The following SPDYE1 variants were observed in gnomAD, a reference collection of about 807,000 sequenced individuals.
The protein encoded by SPDYE1 is speedy protein E1.
SPDYE1 carries 29 observed loss-of-function variants against 45.9 expected under a neutral mutation model. The ratio of observed to expected loss-of-function variants is 0.63; its 90% CI spans 0.47 to 0.86. The LOEUF (loss-of-function observed/expected upper bound fraction) is 0.86. SPDYE1 is among the 40% of genes least tolerant of loss of function. SPDYE1 has a pLI of 0.00. For synonymous variants in SPDYE1, 134 were observed against 176.8 expected (o/e 0.76, Z 1.92); for missense variants, 346 against 481.4 (o/e 0.72, Z 2.63).
intron 6 of SPDYE1, among the ~76,000 whole-genome samples, chr7:44,005,867 C>T (rs529299178): frequency 8.5e-5 from 13 of 152,152 alleles, no homozygotes; most frequent in South Asian, 6.2e-4. Flanking sequence ...CAACCACAAA[C>T]GCCATCGACC....
chr7:44,006,018 C>T (rs2096070765), intron 6 of SPDYE1, among the ~76,000 whole-genome samples: 1 of 152,130 alleles, frequency 6.6e-6, no homozygotes, highest in African/African-American at 2.4e-5. Flanking sequence ...AACATCTTTC[C>T]AAAGCACGAC....
At chr7:44,000,932 A>T (rs1381691957) in intron 2 of SPDYE1, 134 bp from the exon 3 acceptor site, 7 of 1,588,984 alleles carry the variant, frequency 4.4e-6, no homozygotes, top group African/African-American at 1.3e-5. Context: ...CAGAGGAGAA[A>T]ATCAGAAAGA....
In SPDYE1 at chr7:44,002,778, G is replaced by C; in HGVS notation, c.568G>C (p.Val190Leu). ...MKLKRRRVSL[V>L]LPEHHEAFNR... is the part of the protein sequence containing the mutation. ...GCTGAAGCGACGGCGAGTGTCGCTC[G>C]TGCTCCCTGAGCACCACGAGGCCTT... The change falls in exon 4 of 9, where the codon GTG (valine) becomes CTG (leucine). Residue 190 changes from valine (V) to leucine (L), a missense_variant. Transcript: ENST00000693451. The C allele has an allele frequency of 5.2e-6, 8 of 1,552,422 alleles. No individual in the cohort carries two copies. Among genetic ancestry groups the C allele is most frequent in the Non-Finnish European group, 6.9e-6 (8 of 1,161,022 alleles).
At chr7:44,006,323 A>T (rs1448675867) in intron 6 of SPDYE1, among the ~76,000 whole-genome samples, 2 of 151,538 alleles carry the variant, frequency 1.3e-5, no homozygotes, top group Non-Finnish European at 1.5e-5. Context: ...CAACTTCTGC[A>T]TGCCCGTAGC....
Position 44,002,723 on chromosome 7 carries a change from G to A in SPDYE1, c.513G>A (p.Val171=), listed in dbSNP as rs1305503719. ...CCCCTGAGCCTGAGGAGATCTGGGT[G>A]GCGGAGATGCTGTGTGGCCTCAAGA... ...VLAPEPEEIW[V]AEMLCGLKMK... The change falls in exon 4 of 9, where the codon GTG becomes GTA. Residue 171 remains valine, a synonymous_variant. Transcript: ENST00000693451. 1.3e-6 allele frequency: 2 copies of A among 1,593,152 alleles called. No homozygotes were observed. Among genetic ancestry groups the A allele is most frequent in the Admixed American group, 3.4e-5 (2 of 59,058 alleles).
At position 44,009,879 on chromosome 7, in the gene SPDYE1, A is replaced by G. The variant is rs955753350; in HGVS notation, c.*1258A>G. ...TATCTATGATACTTAGTTAACATAT[A>G]TATTACATTTATAGCTATGTAGTAG... On this transcript the variant is annotated 3_prime_UTR_variant, in exon 9 of 9. Coordinates refer to ENST00000693451, the MANE Select transcript of SPDYE1 (RefSeq NM_001378423.2). The G allele has an allele frequency of 6.6e-6, 1 of 151,976 alleles. No individual in the cohort carries two copies. Among genetic ancestry groups the G allele is most frequent in the Non-Finnish European group, 1.5e-5 (1 of 67,990 alleles). The allele number at this position is 151,976 out of a possible 1,614,324, so 9.4% of individuals were successfully genotyped here.
At position 44,007,305 on chromosome 7, in the gene SPDYE1, T is replaced by C. The variant is rs1342630615; in HGVS notation, c.790T>C (p.Ser264Pro). The change falls in exon 7 of 9, where the codon TCC (serine) becomes CCC (proline). Residue 264 changes from serine to proline, a missense_variant. Ser to Pro is a moderately conservative substitution (Grantham distance 74, BLOSUM62 -1). Transcript: ENST00000693451. Reference protein sequence around the residue: ...ANDMEEDDEDSKQNIFHFLYG... With the variant: ...ANDMEEDDEDPKQNIFHFLYG... ...TGACATGGAGGAGGACGACGAGGAC[T>C]CCAAACAAAACATCTTCCACTTCCT... The C allele has an allele frequency of 5.6e-6, 9 of 1,612,886 alleles. No homozygotes were observed. Among genetic ancestry groups the C allele is most frequent in the Admixed American group, 1.7e-5 (1 of 60,000 alleles).
At position 44,000,418 on chromosome 7, in the gene SPDYE1, CAAAAAAA is replaced by C. The variant is rs56132146; in HGVS notation, c.160+317_160+323del. Among the ~76,000 whole-genome samples the C allele has an allele frequency of 2.2e-3, 240 of 109,852 alleles. 1 individual carries two copies. The highest frequency in any genetic ancestry group is 7.8e-3 in the African/African-American group (225 of 28,824). The allele number at this position is 109,852 out of a possible 152,430, so 72.1% of individuals were successfully genotyped here. A position where few individuals can be genotyped will look rare whatever the true frequency, so the allele number is the denominator to read the frequency against. Reference sequence around the variant, plus strand: ...GAGCTGAGATCACGCTACTGCACTCCAAAAAAAAAAAAAAGAAAAGAAAAGAAAAGAA... The same window carrying C: ...GAGCTGAGATCACGCTACTGCACTCCAAAAAAAGAAAAGAAAAGAAAAGAA... On this transcript the variant is annotated intron_variant, in intron 2 of 8. Coordinates refer to ENST00000693451, the MANE Select transcript of SPDYE1 (RefSeq NM_001378423.2).
Position 44,001,092 on chromosome 7 carries a change from T to G in SPDYE1, c.187T>G (p.Cys63Gly), listed in dbSNP as rs572510223. Residue 63 changes from cysteine to glycine, a missense_variant, in exon 3 of 9, where the codon TGT becomes GGT. Physicochemically the swap from Cys to Gly is radical, Grantham distance 159. Transcript: ENST00000693451. ...SAPGVDPSPP[C>G]RSLGWKRKRE... The stretch of plus-strand genomic sequence containing the variant: ...CCCTGGGGTAGATCCCAGCCCCCCA[T>G]GTAGGTCCCTTGGCTGGAAAAGGAA... 2 of 1,597,460 alleles carry G rather than the reference T, an allele frequency of 1.3e-6. No individual in the cohort carries two copies. Among genetic ancestry groups the G allele is most frequent in the Middle Eastern group, 2.0e-4 (1 of 5,030 alleles).
intron 1 of SPDYE1, among the ~76,000 whole-genome samples, chr7:43,998,439 G>C (rs139683148): frequency 1.5e-4 from 23 of 150,916 alleles, no homozygotes; most frequent in African/African-American, 4.9e-4. Flanking sequence ...GCCCTCTCCT[G>C]AGTAGCTGCG....
Position 44,002,664 on chromosome 7 carries a change from G to T in SPDYE1, c.454G>T (p.Glu152Ter), listed in dbSNP as rs932910746. The change falls in exon 4 of 9, where the codon GAG becomes TAG. Residue 152 changes from glutamate (E) to a stop codon, truncating the protein, a stop_gained. Coordinates refer to ENST00000693451, the MANE Select transcript of SPDYE1 (RefSeq NM_001378423.2). LOFTEE classifies it high-confidence loss of function. ...KRKMEWWDKS[E>*]ESEEEPRKVL... The stretch of plus-strand genomic sequence containing the variant: ...GAAGATGGAGTGGTGGGACAAATCT[G>T]AGGAGTCGGAGGAGGAGCCACGGAA... 1.9e-6 allele frequency: 3 copies of T among 1,597,520 alleles called. No homozygotes were observed. In the African/African-American group the frequency reaches 4.0e-5, roughly 21 times the overall value.
At position 44,002,666 on chromosome 7, in the gene SPDYE1, G is replaced by A; in HGVS notation, c.456G>A (p.Glu152=). ...AGATGGAGTGGTGGGACAAATCTGAGGAGTCGGAGGAGGAGCCACGGAAGG... is the reference window on the plus strand; with the variant it reads ...AGATGGAGTGGTGGGACAAATCTGAAGAGTCGGAGGAGGAGCCACGGAAGG... ...KRKMEWWDKS[E]ESEEEPRKVL... The change falls in exon 4 of 9, where the codon GAG becomes GAA. Residue 152 remains glutamate (E), a synonymous_variant. Transcript: ENST00000693451. The A allele has an allele frequency of 6.3e-7, 1 of 1,597,628 alleles. No individual in the cohort carries two copies. Among genetic ancestry groups the A allele is most frequent in the East Asian group, 2.2e-5 (1 of 44,850 alleles).
intron 2 of SPDYE1, 36 bp from the exon 3 acceptor site, chr7:44,001,030 A>G: frequency 6.3e-7 from 1 of 1,597,306 alleles, no homozygotes; most frequent in East Asian, 2.2e-5. Context: ...GATCAGATGC[A>G]GAAGCATTAC....
rs1156942725 is a variant in SPDYE1 at position 44,009,244 on chromosome 7, T to C, written c.*623T>C. On this transcript the variant is annotated 3_prime_UTR_variant, in exon 9 of 9. Coordinates refer to ENST00000693451, the MANE Select transcript of SPDYE1 (RefSeq NM_001378423.2). ...GTTTTTTGATGAGAGTTATAGTTGT[T>C]ATATATACATAAAGATAATTTTCTT... The C allele has an allele frequency of 8.2e-6, 1 of 121,852 alleles. No homozygotes were observed. The highest frequency in any genetic ancestry group is 3.6e-5 in the African/African-American group (1 of 27,714). The allele number at this position is 121,852 out of a possible 1,614,324, so 7.5% of individuals were successfully genotyped here.
chr7:44,008,237 A>G (rs996429523), intron 8 of SPDYE1, among the ~76,000 whole-genome samples: 9 of 152,254 alleles, frequency 5.9e-5, no homozygotes, highest in African/African-American at 2.2e-4. Context: ...AGACTTCATC[A>G]TGAGGAGGTA....
chr7:44,007,975 T>C (rs1487153940), intron 8 of SPDYE1, 162 bp downstream of exon 8: 2 of 1,483,026 alleles, frequency 1.3e-6, no homozygotes, highest in Non-Finnish European at 1.8e-6. Flanking sequence ...GCATCTCTAC[T>C]CCCAACTACT....
At chr7:43,998,058 T>A (rs966013748) in intron 1 of SPDYE1, among the ~76,000 whole-genome samples, 99 bp downstream of exon 1, 4 of 152,052 alleles carry the variant, frequency 2.6e-5, no homozygotes, top group African/African-American at 4.8e-5. Flanking sequence ...GGTCAGAACA[T>A]TGATCTTCTA....
Position 44,005,244 on chromosome 7 carries a change from C to A in SPDYE1, c.752+17C>A. On this transcript the variant is annotated intron_variant, in intron 6 of 8. Transcript: ENST00000693451. ...CCTGGCTCTGTGAGTGGTTTGCTGC[C>A]TCCTATCCGTCAATATCCAATGCCC... 6.2e-7 allele frequency: 1 copy of A among 1,611,826 alleles called. No homozygotes were observed. Among genetic ancestry groups the A allele is most frequent in the Non-Finnish European group, 8.5e-7 (1 of 1,179,740 alleles).
chr7:44,006,621 T>C (rs1439497707), intron 6 of SPDYE1, among the ~76,000 whole-genome samples: 2 of 151,960 alleles, frequency 1.3e-5, no homozygotes, highest in Non-Finnish European at 2.9e-5. Context: ...TTTGTTTGTT[T>C]GTTTGTTTAT....
Sources: gnomAD v4.1 joint callset for allele counts (sites outside exome capture counted in the v4.1 genomes callset) on GRCh38, gnomAD v4.1.1 for gene constraint, MANE v1.5 for transcripts, NCBI Gene and HGNC (gene_info 2026-07-23, HGNC 2026-07-21) for gene names.